Variants in EXT2 observed in about 807,000 individuals in gnomAD.
EXT2 encodes the protein exostosin glycosyltransferase 2.
In EXT2, 53 loss-of-function variants were observed where a neutral mutation model predicts 81.6. That is an observed-to-expected ratio of 0.65 (90% confidence interval 0.52 to 0.82). The LOEUF is 0.82. EXT2 is among the 40% of genes least tolerant of loss of function. EXT2 has a pLI of 0.00. For missense variants in EXT2, 774 were observed against 910.2 expected (o/e 0.85, Z 1.93); for synonymous variants, 320 against 340.0 (o/e 0.94, Z 0.65).
chr11:44,230,799 C>G (rs939401762), intron 10 of EXT2, among the ~76,000 whole-genome samples: 1 of 152,122 alleles, frequency 6.6e-6, no homozygotes, highest in Non-Finnish European at 1.5e-5. Flanking sequence ...ATCTAAGCCC[C>G]CCAATTTGTG....
intron 7 of EXT2, among the ~76,000 whole-genome samples, chr11:44,153,938 T>G (rs376255955): frequency 9.9e-4 from 151 of 151,976 alleles, no homozygotes; most frequent in African/African-American, 3.4e-3. Context: ...TTTTTTAGAA[T>G]TTTTTGCTTC....
At chr11:44,134,389 T>C (rs1954536747) in intron 7 of EXT2, among the ~76,000 whole-genome samples, 1 of 152,182 alleles carries the variant, frequency 6.6e-6, no homozygotes, top group South Asian at 2.1e-4. Context: ...GTTGAGAAGA[T>C]GATGCCGATA....
chr11:44,104,353 T>C (rs1417171660), intron 1 of EXT2, among the ~76,000 whole-genome samples: 2 of 152,130 alleles, frequency 1.3e-5, no homozygotes, highest in Non-Finnish European at 2.9e-5. Context: ...TATACACACA[T>C]ATATATATCT....
chr11:44,215,458 ATACTC>A (rs1955706687), intron 10 of EXT2, among the ~76,000 whole-genome samples: 2 of 152,224 alleles, frequency 1.3e-5, no homozygotes. Flanking sequence ...GTCAGAAAAT[ATACTC>A]TACGATTTTA....
At chr11:44,163,308 C>G (rs1954951738) in intron 7 of EXT2, among the ~76,000 whole-genome samples, 2 of 151,992 alleles carry the variant, frequency 1.3e-5, no homozygotes, top group East Asian at 1.9e-4. Context: ...AGTAAGGATG[C>G]TTGGGTTATA....
At chr11:44,136,703 T>C (rs1954572939) in intron 7 of EXT2, among the ~76,000 whole-genome samples, 1 of 152,208 alleles carries the variant, frequency 6.6e-6, no homozygotes, top group Non-Finnish European at 1.5e-5. Flanking sequence ...AACTGGACTC[T>C]TGGGGCTTTT....
At chr11:44,138,132 C>T (rs1234646684) in intron 7 of EXT2, among the ~76,000 whole-genome samples, 1 of 152,156 alleles carries the variant, frequency 6.6e-6, no homozygotes. Context: ...AGAGGAGCAT[C>T]TGGTGGCACA....
intron 9 of EXT2, among the ~76,000 whole-genome samples, chr11:44,203,617 G>A (rs1237006834): frequency 6.6e-6 from 1 of 152,138 alleles, no homozygotes; most frequent in Non-Finnish European, 1.5e-5. Context: ...GCTTCCTGGA[G>A]GGGTGCTGTT....
Position 44,238,797 on chromosome 11 carries a change from G to A in EXT2, c.2018+2422G>A, listed in dbSNP as rs528699302. 6.6e-5 allele frequency among the ~76,000 whole-genome samples: 10 copies of A among 152,316 alleles called. No homozygotes were observed. The South Asian group carries it at 2.1e-3, about 32-fold the overall frequency. On this transcript the variant is annotated intron_variant, in intron 13 of 13. Coordinates refer to ENST00000533608, the MANE Select transcript of EXT2 (RefSeq NM_207122.2). ...CTCAGCAGTGGAAACTGAATGGTTT[G>A]TCAAGGGTGCCTGATCAGCAAGTTC...
intron 1 of EXT2, 81 bp from the exon 2 acceptor site, chr11:44,107,602 A>AC (rs1590546803): frequency 2.9e-6 from 4 of 1,372,054 alleles, no homozygotes; most frequent in East Asian, 4.6e-5. Flanking sequence ...ACAAAACAAA[A>AC]AAAAAGGTTG....
At chr11:44,181,986 T>A (rs899792571) in intron 8 of EXT2, among the ~76,000 whole-genome samples, 3 of 152,138 alleles carry the variant, frequency 2.0e-5, no homozygotes, top group African/African-American at 7.2e-5. Context: ...CATCCATGGG[T>A]TATTTCTCTT....
intron 7 of EXT2, among the ~76,000 whole-genome samples, chr11:44,158,585 G>T (rs1035979906): frequency 6.7e-6 from 1 of 149,256 alleles, no homozygotes; most frequent in African/African-American, 2.4e-5. Context: ...TTAATAAATT[G>T]ATTTTTATTA....
At chr11:44,185,412 G>A (rs1436925827) in intron 8 of EXT2, among the ~76,000 whole-genome samples, 1 of 152,208 alleles carries the variant, frequency 6.6e-6, no homozygotes, top group African/African-American at 2.4e-5. Context: ...TTTATAGCAA[G>A]AGGATTTTGA....
chr11:44,155,977 T>C (rs941973275), intron 7 of EXT2, among the ~76,000 whole-genome samples: 2 of 152,206 alleles, frequency 1.3e-5, no homozygotes, highest in African/African-American at 4.8e-5. Context: ...TCCTCCTTTA[T>C]GTTTGAAGAA....
intron 7 of EXT2, among the ~76,000 whole-genome samples, chr11:44,131,778 T>A (rs1954496291): frequency 6.6e-6 from 1 of 152,196 alleles, no homozygotes; most frequent in Non-Finnish European, 1.5e-5. Flanking sequence ...CACTCTGTAG[T>A]GCAGGCTGGA....
Position 44,249,356 on chromosome 11 carries a change from C to G in EXT2, c.*5069C>G, listed in dbSNP as rs915057625. ...GTTGGTTGGACCACTGGTTGCATCT[C>G]TTCCCACTCTCCCTGAAAGGCACAG... is the stretch of plus-strand genomic sequence containing the variant. On this transcript the variant is annotated 3_prime_UTR_variant, in exon 14 of 14. Transcript: ENST00000533608. Among the ~76,000 whole-genome samples the G allele has an allele frequency of 1.3e-5, 2 of 152,204 alleles. No individual in the cohort carries two copies. The highest frequency in any genetic ancestry group is 4.8e-5 in the African/African-American group (2 of 41,464).
intron 7 of EXT2, among the ~76,000 whole-genome samples, chr11:44,143,766 G>C (rs1339526939): frequency 6.6e-6 from 1 of 152,204 alleles, no homozygotes; most frequent in Admixed American, 6.5e-5. Context: ...ATTTTTCCAG[G>C]AATGTGTAGT....
chr11:44,111,734 C>A (rs929214542), intron 3 of EXT2, among the ~76,000 whole-genome samples: 1 of 152,100 alleles, frequency 6.6e-6, no homozygotes, highest in East Asian at 1.9e-4. Context: ...ATCTTGAGGC[C>A]CGTCTTGTTT....
rs201198754 is a variant in EXT2 at position 44,157,994 on chromosome 11, A to C, written c.1174-13617A>C. ...AAGGGAGCAAGTTTCCTTCTGGCCC[A>C]GTGTGTGTCTAGAACTAGGGCCTGG... On this transcript the variant is annotated intron_variant, in intron 7 of 13. Transcript: ENST00000533608. Among the ~76,000 whole-genome samples, 4 of 152,208 alleles carry C rather than the reference A, an allele frequency of 2.6e-5. No individual in the cohort carries two copies. The South Asian group carries it at 8.3e-4, about 32-fold the overall frequency.
Sources: gnomAD v4.1 joint callset for allele counts (sites outside exome capture counted in the v4.1 genomes callset) on GRCh38, gnomAD v4.1.1 for gene constraint, MANE v1.5 for transcripts, NCBI Gene and HGNC (gene_info 2026-07-23, HGNC 2026-07-21) for gene names.